Variants in CDK5RAP2 observed in about 807,000 individuals in gnomAD.
CDK5RAP2 encodes CDK5 regulatory subunit associated protein 2.
A neutral mutation model predicts 232.9 loss-of-function variants in CDK5RAP2; 147 were observed. The ratio of observed to expected loss-of-function variants is 0.63; its 90% CI spans 0.55 to 0.72. CDK5RAP2 has a LOEUF of 0.72. Ranked by LOEUF, CDK5RAP2 falls within the 30% of genes least tolerant of loss-of-function variation. The pLI is 0.00. For synonymous variants in CDK5RAP2, 833 were observed against 833.7 expected, an observed-to-expected ratio of 1.00 and a Z score of 0.01; for missense variants, 2,195 against 2,231.5, an observed-to-expected ratio of 0.98 and a Z score of 0.33.
chr9:120,531,464 G>A (rs904692907), intron 7 of CDK5RAP2, among the ~76,000 whole-genome samples: 3 of 152,102 alleles, frequency 2.0e-5, no homozygotes, highest in African/African-American at 7.2e-5. Flanking sequence ...CTTGGCCATG[G>A]CAAGTAATTC....
chr9:120,578,073 T>C (rs1314436708), intron 1 of CDK5RAP2, among the ~76,000 whole-genome samples: 2 of 152,048 alleles, frequency 1.3e-5, no homozygotes, highest in South Asian at 2.1e-4. Context: ...ATGGAGACCA[T>C]CCTGGCCAAC....
intron 12 of CDK5RAP2, among the ~76,000 whole-genome samples, chr9:120,504,540 C>G (rs2039720932): frequency 6.6e-6 from 1 of 152,226 alleles, no homozygotes; most frequent in South Asian, 2.1e-4. Context: ...CAGAACTCAG[C>G]TCCCAGCCAG....
At chr9:120,471,682 C>G in intron 16 of CDK5RAP2, 66 bp downstream of exon 16, 1 of 1,611,280 alleles carries the variant, frequency 6.2e-7, no homozygotes, top group Non-Finnish European at 8.5e-7. Context: ...TAGGACTCTC[C>G]TGAAGTTCAG....
intron 12 of CDK5RAP2, among the ~76,000 whole-genome samples, chr9:120,500,656 C>T (rs1192943680): frequency 6.6e-6 from 1 of 152,190 alleles, no homozygotes; most frequent in Non-Finnish European, 1.5e-5. Context: ...TAATGAAAAG[C>T]TGATCTCTCA....
chr9:120,441,662 G>A (rs2035905784), intron 23 of CDK5RAP2, among the ~76,000 whole-genome samples: 2 of 152,156 alleles, frequency 1.3e-5, no homozygotes, highest in African/African-American at 2.4e-5. Flanking sequence ...CCCAATTTCT[G>A]GTTCTGCAAT....
chr9:120,536,341 T>G (rs1285482734), intron 7 of CDK5RAP2, 31 bp downstream of exon 7: 1 of 1,611,548 alleles, frequency 6.2e-7, no homozygotes, highest in Non-Finnish European at 8.5e-7. Context: ...GATAATGTGA[T>G]GTCAGGGTAT....
intron 12 of CDK5RAP2, among the ~76,000 whole-genome samples, chr9:120,513,833 C>G (rs935008392): frequency 5.9e-5 from 9 of 152,138 alleles, no homozygotes; most frequent in Non-Finnish European, 1.3e-4. Flanking sequence ...TGTTTCAATC[C>G]AAAAGCAACA....
intron 35 of CDK5RAP2, among the ~76,000 whole-genome samples, chr9:120,400,309 T>G (rs1442939851): frequency 6.6e-6 from 1 of 152,092 alleles, no homozygotes; most frequent in Non-Finnish European, 1.5e-5. Context: ...TCGATAGGAA[T>G]CAGAAGGTCC....
At position 120,389,661 on chromosome 9, in the gene CDK5RAP2, A is replaced by G. The variant is rs571577974; in HGVS notation, c.5625+80T>C. On this transcript the variant is annotated intron_variant, in intron 37 of 37. Coordinates refer to ENST00000349780, the MANE Select transcript of CDK5RAP2 (RefSeq NM_018249.6). Reference sequence around the variant, plus strand: ...GTCCCCTGGTTCCACCTGCACCTTCATTTTTCAAGAGGTCCTTTCTGGCCC... The same window carrying G: ...GTCCCCTGGTTCCACCTGCACCTTCGTTTTTCAAGAGGTCCTTTCTGGCCC... 18 of 1,376,192 alleles carry G rather than the reference A, an allele frequency of 1.3e-5. No individual in the cohort carries two copies. The Middle Eastern group carries it at 5.4e-4, about 42-fold the overall frequency. The allele number at this position is 1,376,192 out of a possible 1,614,324, so 85.2% of individuals were successfully genotyped here.
rs74701559 is a variant in CDK5RAP2 at position 120,443,498 on chromosome 9, C to A, written c.3148+122G>T. Reference sequence around the variant, plus strand: ...AAACCTCAGCTTCCCATGTGTTAGACTGGAATGATAATAATGCCCTGAGAG... The same window carrying A: ...AAACCTCAGCTTCCCATGTGTTAGAATGGAATGATAATAATGCCCTGAGAG... On this transcript the variant is annotated intron_variant, in intron 23 of 37. Transcript: ENST00000349780. The A allele has an allele frequency of 4.4e-3, 5,049 of 1,157,350 alleles. 158 individuals are homozygous for A. In the African/African-American group the frequency reaches 0.067, roughly 15 times the overall value. 71.7% of individuals were successfully genotyped at this position (1,157,350 alleles called of 1,614,324 possible).
At chr9:120,457,304 C>CTCCT (rs1178488573) in intron 20 of CDK5RAP2, among the ~76,000 whole-genome samples, 3 of 152,174 alleles carry the variant, frequency 2.0e-5, no homozygotes, top group African/African-American at 7.2e-5. Context: ...GTTCACCACG[C>CTCCT]TCCTACCACA....
chr9:120,468,370 T>C (rs1024230613), intron 17 of CDK5RAP2, among the ~76,000 whole-genome samples: 6 of 152,228 alleles, frequency 3.9e-5, no homozygotes, highest in African/African-American at 1.2e-4. Flanking sequence ...ATCTCTCTCT[T>C]GCACTTGAGA....
At chr9:120,489,782 T>A (rs991001006) in intron 13 of CDK5RAP2, among the ~76,000 whole-genome samples, 2 of 151,918 alleles carry the variant, frequency 1.3e-5, no homozygotes, top group African/African-American at 4.8e-5. Flanking sequence ...GTACCTCTGT[T>A]CTGTTTGGCC....
intron 21 of CDK5RAP2, among the ~76,000 whole-genome samples, chr9:120,449,120 C>T (rs1258664134): frequency 6.6e-6 from 1 of 152,348 alleles, no homozygotes; most frequent in African/African-American, 2.4e-5. Flanking sequence ...TACCCCCTTC[C>T]ACTTCACCCT....
intron 11 of CDK5RAP2, 33 bp from the exon 12 acceptor site, chr9:120,518,678 A>G (rs372210411): frequency 2.8e-5 from 43 of 1,547,870 alleles, no homozygotes; most frequent in Non-Finnish European, 3.7e-5. Context: ...AAGATGAGCT[A>G]ATTTTCATAC....
intron 36 of CDK5RAP2, among the ~76,000 whole-genome samples, chr9:120,394,045 G>A (rs978623285): frequency 1.3e-5 from 2 of 152,160 alleles, no homozygotes. Context: ...ACCCCACAGG[G>A]ACTGGTTTTG....
chr9:120,418,127 G>A (rs2034346675), intron 27 of CDK5RAP2, among the ~76,000 whole-genome samples: 1 of 152,154 alleles, frequency 6.6e-6, no homozygotes, highest in South Asian at 2.1e-4. Flanking sequence ...AAAACTAGAT[G>A]CAGAGAGCAA....
At chr9:120,461,246 G>A (rs1181169902) in intron 18 of CDK5RAP2, among the ~76,000 whole-genome samples, 2 of 152,368 alleles carry the variant, frequency 1.3e-5, no homozygotes, top group African/African-American at 4.8e-5. Context: ...CTAATGAGAA[G>A]AGTATCACGC....
At chr9:120,563,997 C>G (rs1000072843) in intron 3 of CDK5RAP2, among the ~76,000 whole-genome samples, 3 of 152,134 alleles carry the variant, frequency 2.0e-5, no homozygotes, top group African/African-American at 4.8e-5. Flanking sequence ...CAGGTGTGGA[C>G]AGGATACAGG....
Sources: allele counts gnomAD v4.1 joint callset (sites outside exome capture counted in the v4.1 genomes callset), GRCh38; gene constraint gnomAD v4.1.1; transcripts MANE v1.5; gene names NCBI Gene and HGNC (gene_info 2026-07-23, HGNC 2026-07-21).